ZC3H12A: variants seen among roughly 807,000 people sequenced by gnomAD.
ZC3H12A encodes the protein zinc finger CCCH-type containing 12A, also known as endoribonuclease ZC3H12A.
Under a neutral mutation model 29.9 loss-of-function variants are expected in ZC3H12A, and 9 were observed. The observed-to-expected ratio is 0.30, with a 90% CI of 0.18 to 0.53. The LOEUF (loss-of-function observed/expected upper bound fraction) is 0.53. Ranked by LOEUF, ZC3H12A falls within the 20% of genes least tolerant of loss-of-function variation. ZC3H12A has a pLI of 0.96. For missense variants in ZC3H12A, 617 were observed against 799.0 expected, an observed-to-expected ratio of 0.77 and a Z score of 2.75; for synonymous variants, 323 against 338.1, an observed-to-expected ratio of 0.96 and a Z score of 0.49.
At position 37,483,340 on chromosome 1, in the gene ZC3H12A, C is replaced by T. The variant is rs1324343990; in HGVS notation, c.1529C>T (p.Pro510Leu). The T allele has an allele frequency of 6.2e-7, 1 of 1,614,186 alleles. No homozygotes were observed. Among genetic ancestry groups the T allele is most frequent in the Non-Finnish European group, 8.5e-7 (1 of 1,180,014 alleles). Reference sequence around the variant, plus strand: ...TACCCACCCGCGCCCCCTGCCTTTCCACCTCGAGAGTACTGGTCTGAACCA... The same window carrying T: ...TACCCACCCGCGCCCCCTGCCTTTCTACCTCGAGAGTACTGGTCTGAACCA... ...ADYPPAPPAF[P>L]PREYWSEPYP... The change falls in exon 6 of 6, where the codon CCA (proline) becomes CTA (leucine). Residue 510 changes from proline to leucine, a missense_variant. This residue lies in a region of ZC3H12A where 172 missense variants were observed against 203.1 expected (regional missense o/e 0.85). Transcript: ENST00000373087.
At position 37,479,837 on chromosome 1, in the gene ZC3H12A, T is replaced by C. The variant is rs1387908358; in HGVS notation, c.444-453T>C. The C allele has an allele frequency of 1.0e-5, 10 of 985,388 alleles. No homozygotes were observed. Among genetic ancestry groups the C allele is most frequent in the Non-Finnish European group, 1.2e-5 (10 of 829,902 alleles). 61.0% of individuals were successfully genotyped at this position (985,388 alleles called of 1,614,324 possible). Reference sequence around the variant, plus strand: ...GCGAGGGAGGGGTGGTGACTCAGTGTGCATGTGTACATCTGTCCCTGTGGT... The same window carrying C: ...GCGAGGGAGGGGTGGTGACTCAGTGCGCATGTGTACATCTGTCCCTGTGGT... On this transcript the variant is annotated intron_variant, in intron 2 of 5. Transcript: ENST00000373087. The surrounding 1 kb of genome is among the most constrained non-coding windows in gnomAD (Gnocchi z 4.5).
chr1:37,475,036 C>T lies in ZC3H12A; in HGVS notation c.-39+407C>T, dbSNP rs181394728. Among the ~76,000 whole-genome samples, 170 of 152,320 alleles carry T rather than the reference C, an allele frequency of 1.1e-3. 2 individuals carry two copies. Among genetic ancestry groups the T allele is most frequent in the African/African-American group, 4.0e-3 (167 of 41,572 alleles). On this transcript the variant is annotated intron_variant, in intron 1 of 5. Transcript: ENST00000373087. This position sits in a 1 kb window ranked among gnomAD's most constrained non-coding sequence, Gnocchi z 5.2. ...CTGCCTGGGCCTGAGCTCTGAGTGC[C>T]GGACGGGTGGGCGAAAGTGGTGGCC...
chr1:37,477,619 G>A (rs1490451037), intron 2 of ZC3H12A, among the ~76,000 whole-genome samples: 1 of 152,176 alleles, frequency 6.6e-6, no homozygotes, highest in Non-Finnish European at 1.5e-5. Context: ...CACCTGGGGA[G>A]GCTGGCCCAG....
intron 4 of ZC3H12A, 75 bp downstream of exon 4, chr1:37,481,910 A>T: frequency 6.7e-7 from 1 of 1,483,822 alleles, no homozygotes; most frequent in Non-Finnish European, 9.2e-7. Context: ...GCAAGGGTGG[A>T]GCTGGGGGCT....
chr1:37,483,917 T>A lies in ZC3H12A; in HGVS notation c.*306T>A. 1 of 307,290 alleles carries A rather than the reference T, an allele frequency of 3.3e-6. No individual in the cohort carries two copies. Among genetic ancestry groups the A allele is most frequent in the Non-Finnish European group, 6.1e-6 (1 of 164,560 alleles). 19.0% of individuals were successfully genotyped at this position (307,290 alleles called of 1,614,324 possible). A position where few individuals can be genotyped will look rare whatever the true frequency, so the allele number is the denominator to read the frequency against. On this transcript the variant is annotated 3_prime_UTR_variant, in exon 6 of 6. Transcript: ENST00000373087. ...CGGTCCGTGGCTGAGGCCCAAACCG[T>A]CTTTTCTCTCAGAGGGTGGGGAGGG...
In ZC3H12A at chr1:37,475,595, G is replaced by T. The variant is rs116208741; in HGVS notation, c.99G>T (p.Arg33Ser). The change falls in exon 2 of 6, where the codon AGG (arginine) becomes AGT (serine). Residue 33 changes from arginine to serine, a missense_variant. By Grantham distance (110) the Arg-to-Ser change is moderately radical. Coordinates refer to ENST00000373087, the MANE Select transcript of ZC3H12A (RefSeq NM_025079.3). This position sits in a 1 kb window ranked among gnomAD's most constrained non-coding sequence, Gnocchi z 5.2. ...EDSHSRQGTP[R>S]PGQELAAEEA... ...GCCACAGCCGTCAGGGCACCCCAAG[G>T]CCGGGTCAAGAGCTGGCCGCTGAGG... The T allele has an allele frequency of 2.5e-3, 3,961 of 1,614,034 alleles. 7 individuals carry two copies. Among genetic ancestry groups the T allele is most frequent in the African/African-American group, 3.6e-3 (272 of 75,052 alleles).
Position 37,479,976 on chromosome 1 carries a change from AGCTTCCTGGGC to A in ZC3H12A, c.444-306_444-296del. ...CCCCACCGTGGGGAGCAGTGCTGCC[AGCTTCCTGGGC>A]GCTTCCTCACTTTCAGGAGATGGAG... On this transcript the variant is annotated intron_variant, in intron 2 of 5. Coordinates refer to ENST00000373087, the MANE Select transcript of ZC3H12A (RefSeq NM_025079.3). This position sits in a 1 kb window ranked among gnomAD's most constrained non-coding sequence, Gnocchi z 4.5. 3.0e-5 allele frequency: 33 copies of A among 1,112,556 alleles called. No homozygotes were observed. Among genetic ancestry groups the A allele is most frequent in the Non-Finnish European group, 3.6e-5 (33 of 906,660 alleles). The allele number at this position is 1,112,556 out of a possible 1,614,324, so 68.9% of individuals were successfully genotyped here. A position where few individuals can be genotyped will look rare whatever the true frequency, so the allele number is the denominator to read the frequency against.
intron 3 of ZC3H12A, 69 bp from the exon 4 acceptor site, chr1:37,481,532 T>C (rs887183513): frequency 6.6e-7 from 1 of 1,513,148 alleles, no homozygotes. Context: ...ATCAGCAGGT[T>C]AGGGAGCCCT....
Position 37,482,468 on chromosome 1 carries a change from G to A in ZC3H12A, c.853G>A (p.Gly285Arg), listed in dbSNP as rs1053148001. 1.2e-5 allele frequency: 20 copies of A among 1,614,002 alleles called. No individual in the cohort carries two copies. The highest frequency in any genetic ancestry group is 1.7e-4 in the Middle Eastern group (1 of 6,060). Reference protein sequence around the residue: ...MPPDDPLGRHGPSLDNFLRKK... With the variant: ...MPPDDPLGRHRPSLDNFLRKK... ...CCCTGATGACCCACTGGGCCGGCAC[G>A]GGCCCAGCCTGGACAACTTCCTGCG... Residue 285 changes from glycine to arginine, a missense_variant, in exon 5 of 6, where the codon GGG becomes AGG. By Grantham distance (125) the Gly-to-Arg change is moderately radical. Coordinates refer to ENST00000373087, the MANE Select transcript of ZC3H12A (RefSeq NM_025079.3).
At position 37,475,594 on chromosome 1, in the gene ZC3H12A, G is replaced by A. The variant is rs770975783; in HGVS notation, c.98G>A (p.Arg33Lys). The change falls in exon 2 of 6, where the codon AGG becomes AAG. Residue 33 changes from arginine (R) to lysine (K), a missense_variant. By Grantham distance (26) the Arg-to-Lys change is conservative (BLOSUM62 2). This residue lies in a region of ZC3H12A where 67 missense variants were observed against 56.2 expected (regional missense o/e 1.19). Coordinates refer to ENST00000373087, the MANE Select transcript of ZC3H12A (RefSeq NM_025079.3). The surrounding 1 kb of genome is among the most constrained non-coding windows in gnomAD (Gnocchi z 5.2). ...EDSHSRQGTP[R>K]PGQELAAEEA... The stretch of plus-strand genomic sequence containing the variant: ...AGCCACAGCCGTCAGGGCACCCCAA[G>A]GCCGGGTCAAGAGCTGGCCGCTGAG... The A allele has an allele frequency of 5.0e-6, 8 of 1,614,068 alleles. No homozygotes were observed. The South Asian group carries it at 7.7e-5, about 16-fold the overall frequency.
In ZC3H12A at chr1:37,483,642, C is replaced by T. The variant is rs1204093572; in HGVS notation, c.*31C>T. ...CTGTGGCTGGCAAGGGCAGCACCCC[C>T]AGCCTCCAAGGGCCGTCAGGCTGGG... is the stretch of plus-strand genomic sequence containing the variant. On this transcript the variant is annotated 3_prime_UTR_variant, in exon 6 of 6. Coordinates refer to ENST00000373087, the MANE Select transcript of ZC3H12A (RefSeq NM_025079.3). 6 of 1,554,390 alleles carry T rather than the reference C, an allele frequency of 3.9e-6. No homozygotes were observed. Among genetic ancestry groups the T allele is most frequent in the Admixed American group, 3.8e-5 (2 of 53,212 alleles).
chr1:37,478,525 T>C lies in ZC3H12A; in HGVS notation c.444-1765T>C, dbSNP rs1302331721. Among the ~76,000 whole-genome samples, 6 of 152,144 alleles carry C rather than the reference T, an allele frequency of 3.9e-5. No homozygotes were observed. Among genetic ancestry groups the C allele is most frequent in the African/African-American group, 7.2e-5 (3 of 41,424 alleles). On this transcript the variant is annotated intron_variant, in intron 2 of 5. Transcript: ENST00000373087. This position sits in a 1 kb window ranked among gnomAD's most constrained non-coding sequence, Gnocchi z 5.2. ...CAAGCCCTATAAGAATGAAGCCATA[T>C]ATCTGGCCACCAGCGGGAGCTCAGT...
Position 37,483,614 on chromosome 1 carries a change from T to C in ZC3H12A, c.*3T>C. On this transcript the variant is annotated 3_prime_UTR_variant, in exon 6 of 6. Coordinates refer to ENST00000373087, the MANE Select transcript of ZC3H12A (RefSeq NM_025079.3). ...AGTCCCAGCACCCCAGTGAGTAAGC[T>C]GCCTGTGGCTGGCAAGGGCAGCACC... 1 of 1,594,868 alleles carries C rather than the reference T, an allele frequency of 6.3e-7. No individual in the cohort carries two copies. The highest frequency in any genetic ancestry group is 1.3e-5 in the African/African-American group (1 of 74,686).
At position 37,476,367 on chromosome 1, in the gene ZC3H12A, G is replaced by A. The variant is rs1005001980; in HGVS notation, c.443+428G>A. Among the ~76,000 whole-genome samples the A allele has an allele frequency of 6.6e-6, 1 of 152,220 alleles. No individual in the cohort carries two copies. The highest frequency in any genetic ancestry group is 6.5e-5 in the Admixed American group (1 of 15,288). On this transcript the variant is annotated intron_variant, in intron 2 of 5. Coordinates refer to ENST00000373087, the MANE Select transcript of ZC3H12A (RefSeq NM_025079.3). The surrounding 1 kb of genome is among the most constrained non-coding windows in gnomAD (Gnocchi z 6.0). ...TTCAGGAACCATAGTAGTGGTAGTA[G>A]GCAGTGGTAGTAGCAGTTGTTGTTG...
In ZC3H12A at chr1:37,478,793, T is replaced by C; in HGVS notation, c.444-1497T>C. Reference sequence around the variant, plus strand: ...CCTCACAAGCTTGCTGATGATTCAGTGTTAGACACTTATAACAGGGCCTGG... The same window carrying C: ...CCTCACAAGCTTGCTGATGATTCAGCGTTAGACACTTATAACAGGGCCTGG... On this transcript the variant is annotated intron_variant, in intron 2 of 5. Coordinates refer to ENST00000373087, the MANE Select transcript of ZC3H12A (RefSeq NM_025079.3). This position sits in a 1 kb window ranked among gnomAD's most constrained non-coding sequence, Gnocchi z 5.2. 2 of 961,914 alleles carry C rather than the reference T, an allele frequency of 2.1e-6. No homozygotes were observed. Among genetic ancestry groups the C allele is most frequent in the Non-Finnish European group, 2.5e-6 (2 of 808,468 alleles). The allele number at this position is 961,914 out of a possible 1,614,324, so 59.6% of individuals were successfully genotyped here. A position where few individuals can be genotyped will look rare whatever the true frequency, so the allele number is the denominator to read the frequency against.
chr1:37,479,472 AG>A lies in ZC3H12A; in HGVS notation c.444-815del. 1 of 985,424 alleles carries A rather than the reference AG, an allele frequency of 1.0e-6. No individual in the cohort carries two copies. The highest frequency in any genetic ancestry group is 1.2e-6 in the Non-Finnish European group (1 of 829,924). 61.0% of individuals were successfully genotyped at this position (985,424 alleles called of 1,614,324 possible). On this transcript the variant is annotated intron_variant, in intron 2 of 5. Transcript: ENST00000373087. This position sits in a 1 kb window ranked among gnomAD's most constrained non-coding sequence, Gnocchi z 4.5. ...GCGCGGCCTCGTCTGAGACCAAGGC[AG>A]GGCCCATGCCTTACTCAGCTGTCCT...
chr1:37,483,852 G>T lies in ZC3H12A; in HGVS notation c.*241G>T. 1 of 536,164 alleles carries T rather than the reference G, an allele frequency of 1.9e-6. No homozygotes were observed. Among genetic ancestry groups the T allele is most frequent in the East Asian group, 2.9e-5 (1 of 33,964 alleles). The allele number at this position is 536,164 out of a possible 1,614,324, so 33.2% of individuals were successfully genotyped here. On this transcript the variant is annotated 3_prime_UTR_variant, in exon 6 of 6. Transcript: ENST00000373087. ...AGCGATCACCCTGTTGATACACATT[G>T]TATCTCTGTAGTTTAAGGAGACGCT...
In ZC3H12A at chr1:37,475,596, C is replaced by G. The variant is rs759987272; in HGVS notation, c.100C>G (p.Pro34Ala). The G allele has an allele frequency of 6.2e-7, 1 of 1,614,058 alleles. No homozygotes were observed. Among genetic ancestry groups the G allele is most frequent in the Non-Finnish European group, 8.5e-7 (1 of 1,180,042 alleles). Residue 34 changes from proline (P) to alanine (A), a missense_variant, in exon 2 of 6, where the codon CCG becomes GCG. By Grantham distance (27) the Pro-to-Ala change is conservative. Coordinates refer to ENST00000373087, the MANE Select transcript of ZC3H12A (RefSeq NM_025079.3). This position sits in a 1 kb window ranked among gnomAD's most constrained non-coding sequence, Gnocchi z 5.2. ...CCACAGCCGTCAGGGCACCCCAAGG[C>G]CGGGTCAAGAGCTGGCCGCTGAGGA... Reference protein sequence around the residue: ...DSHSRQGTPRPGQELAAEEAS... With the variant: ...DSHSRQGTPRAGQELAAEEAS...
At position 37,479,608 on chromosome 1, in the gene ZC3H12A, C is replaced by T; in HGVS notation, c.444-682C>T. The T allele has an allele frequency of 1.0e-6, 1 of 985,426 alleles. No homozygotes were observed. The highest frequency in any genetic ancestry group is 1.2e-6 in the Non-Finnish European group (1 of 829,938). 61.0% of individuals were successfully genotyped at this position (985,426 alleles called of 1,614,324 possible). A position where few individuals can be genotyped will look rare whatever the true frequency, so the allele number is the denominator to read the frequency against. On this transcript the variant is annotated intron_variant, in intron 2 of 5. Transcript: ENST00000373087. This position sits in a 1 kb window ranked among gnomAD's most constrained non-coding sequence, Gnocchi z 4.5. ...AAAGCAGTATCCTTTCACTTTCAGA[C>T]TGAAAGGCTCCTGGGGAACTTGCTT...
Sources: gnomAD v4.1 joint callset for allele counts (sites outside exome capture counted in the v4.1 genomes callset) on GRCh38, gnomAD v4.1.1 for gene constraint, gnomAD v4.1.1 regional missense constraint, Gnocchi (gnomAD v3.1) non-coding constraint, MANE v1.5 for transcripts, NCBI Gene and HGNC (gene_info 2026-07-23, HGNC 2026-07-21) for gene names.